SLC14A1: variants seen among roughly 807,000 people sequenced by gnomAD.
The protein encoded by SLC14A1 is solute carrier family 14 member 1 (Kidd blood group), also known as urea transporter 1.
A neutral mutation model predicts 39.6 loss-of-function variants in SLC14A1; 36 were observed. The ratio of observed to expected loss-of-function variants is 0.91; its 90% CI spans 0.70 to 1.20. The LOEUF (loss-of-function observed/expected upper bound fraction) is 1.20. Among genes scored for constraint, SLC14A1 ranks in the 50% most tolerant of loss-of-function variants. The pLI is 0.00. For missense variants in SLC14A1, 469 were observed against 478.7 expected (o/e 0.98, Z 0.19); for synonymous variants, 164 against 173.6 (o/e 0.94, Z 0.43).
chr18:45,749,047 C>G (rs1174595395), intron 9 of SLC14A1, among the ~76,000 whole-genome samples: 1 of 152,184 alleles, frequency 6.6e-6, no homozygotes, highest in East Asian at 1.9e-4. Flanking sequence ...AGCTGCACAC[C>G]AGAGTCAGCT....
intron 2 of SLC14A1, chr18:45,727,363 C>T (rs982814472): frequency 1.9e-6 from 3 of 1,551,306 alleles, no homozygotes; most frequent in African/African-American, 1.4e-5. Flanking sequence ...GGTGACGCAG[C>T]GCGCAGAGGC....
chr18:45,750,050 CA>C lies in SLC14A1; in HGVS notation c.*101del, dbSNP rs2047668483. On this transcript the variant is annotated 3_prime_UTR_variant, in exon 10 of 10. Coordinates refer to ENST00000321925, the MANE Select transcript of SLC14A1 (RefSeq NM_015865.7). ...GCAAACTGCTGTTTTTCACGAGTAT[CA>C]ACTTTCATACTGACGCGTCTGTAAT... 6.2e-6 allele frequency: 10 copies of C among 1,608,998 alleles called. No homozygotes were observed. The South Asian group carries it at 1.1e-4, about 18-fold the overall frequency.
At position 45,736,592 on chromosome 18, in the gene SLC14A1, G is replaced by T. The variant is rs138853763; in HGVS notation, c.607G>T (p.Val203Phe). 6.2e-6 allele frequency: 10 copies of T among 1,614,014 alleles called. No individual in the cohort carries two copies. Among genetic ancestry groups the T allele is most frequent in the Non-Finnish European group, 7.6e-6 (9 of 1,180,024 alleles). Residue 203 changes from valine (V) to phenylalanine (F), a missense_variant, in exon 6 of 10, where the codon GTC becomes TTC. By Grantham distance (50) the Val-to-Phe change is conservative (BLOSUM62 -1). Coordinates refer to ENST00000321925, the MANE Select transcript of SLC14A1 (RefSeq NM_015865.7). ...HYNPFFPAKLVIPITTAPNIS... is the reference protein window; with the variant it reads ...HYNPFFPAKLFIPITTAPNIS... ...CAATCCATTCTTTCCAGCCAAACTG[G>T]TCATACCTATAACTACAGCTCCAAA...
At position 45,750,645 on chromosome 18, in the gene SLC14A1, G is replaced by A; in HGVS notation, c.*694G>A. ...TGTATTGCAACTTTTCTCAGAGATT[G>A]CAAAGGATTTTTTAGGTAGAGATTA... On this transcript the variant is annotated 3_prime_UTR_variant, in exon 10 of 10. Transcript: ENST00000321925. The A allele has an allele frequency of 1.0e-6, 1 of 985,700 alleles. No homozygotes were observed. The highest frequency in any genetic ancestry group is 1.2e-6 in the Non-Finnish European group (1 of 830,156). 61.1% of individuals were successfully genotyped at this position (985,700 alleles called of 1,614,324 possible).
chr18:45,739,963 C>T (rs2047314380), intron 8 of SLC14A1: 2 of 420,740 alleles, frequency 4.8e-6, no homozygotes, highest in African/African-American at 4.1e-5. Context: ...GCTTTATCCC[C>T]AGAGATACAC....
chr18:45,731,895 G>C (rs1599260478), intron 4 of SLC14A1, among the ~76,000 whole-genome samples: 2 of 152,208 alleles, frequency 1.3e-5, no homozygotes, highest in East Asian at 3.8e-4. Flanking sequence ...CCAATCCCCA[G>C]TGTGGTCATT....
intron 8 of SLC14A1, among the ~76,000 whole-genome samples, chr18:45,742,463 G>C (rs1285025467): frequency 6.8e-6 from 1 of 148,112 alleles, no homozygotes; most frequent in Non-Finnish European, 1.5e-5. Flanking sequence ...TGGTTCAAGC[G>C]GTTCTCCTGC....
At position 45,739,681 on chromosome 18, in the gene SLC14A1, T is replaced by A. The variant is rs1178458370; in HGVS notation, c.946+19T>A. ...GGCTGTGGTGAGTCTCCCACGCCCC[T>A]GGGGGAGGGCTGCTCATGACTACAG... On this transcript the variant is annotated intron_variant, in intron 8 of 9. Transcript: ENST00000321925. 1 of 1,613,908 alleles carries A rather than the reference T, an allele frequency of 6.2e-7. No individual in the cohort carries two copies. The highest frequency in any genetic ancestry group is 8.5e-7 in the Non-Finnish European group (1 of 1,179,888).
At chr18:45,733,578 G>A (rs1284528860) in intron 4 of SLC14A1, among the ~76,000 whole-genome samples, 1 of 152,154 alleles carries the variant, frequency 6.6e-6, no homozygotes, top group Non-Finnish European at 1.5e-5. Flanking sequence ...CGCTCTTCAA[G>A]TCAGAGGCTC....
intron 8 of SLC14A1, among the ~76,000 whole-genome samples, chr18:45,744,403 T>C (rs986645040): frequency 6.6e-6 from 1 of 152,226 alleles, no homozygotes; most frequent in African/African-American, 2.4e-5. Flanking sequence ...TTCATTTAAA[T>C]TTTAGTTTAG....
chr18:45,738,092 TTA>T (rs1184992218), intron 6 of SLC14A1, among the ~76,000 whole-genome samples: 1 of 152,090 alleles, frequency 6.6e-6, no homozygotes, highest in African/African-American at 2.4e-5. Context: ...CTGGAAGAAT[TTA>T]GAGTCCATCT....
intron 6 of SLC14A1, among the ~76,000 whole-genome samples, chr18:45,737,233 CA>C (rs1348496922): frequency 6.6e-6 from 1 of 152,208 alleles, no homozygotes; most frequent in African/African-American, 2.4e-5. Flanking sequence ...CCTGTTTTAA[CA>C]AACTCCCCAA....
Position 45,730,382 on chromosome 18 carries a change from A to G in SLC14A1, c.62A>G (p.Gln21Arg), listed in dbSNP as rs146079238. The change falls in exon 3 of 10, where the codon CAG becomes CGG. Residue 21 changes from glutamine (Q) to arginine (R), a missense_variant. Physicochemically the swap from Gln to Arg is conservative, Grantham distance 43. Coordinates refer to ENST00000321925, the MANE Select transcript of SLC14A1 (RefSeq NM_015865.7). ...CCCACTATGGTTAGGGGTGAAAACC[A>G]GGTTTCGCCATGTCAAGGGAGAAGG... ...DSPTMVRGEN[Q>R]VSPCQGRRCF... 1,312 of 1,614,212 alleles carry G rather than the reference A, an allele frequency of 8.1e-4. 1 individual carries two copies. Among genetic ancestry groups the G allele is most frequent in the Non-Finnish European group, 1.0e-3 (1,237 of 1,180,028 alleles).
intron 2 of SLC14A1, chr18:45,727,302 G>A (rs1172969589): frequency 1.4e-5 from 21 of 1,551,396 alleles, no homozygotes; most frequent in Non-Finnish European, 1.7e-5. Flanking sequence ...TGGCGGCGCT[G>A]GTGACGCCCG....
rs567530331 is a variant in SLC14A1 at position 45,751,235 on chromosome 18, G to A, written c.*1284G>A. 6.5e-5 allele frequency: 28 copies of A among 433,692 alleles called. No individual in the cohort carries two copies. The highest frequency in any genetic ancestry group is 1.2e-3 in the Middle Eastern group (1 of 838). The allele number at this position is 433,692 out of a possible 1,614,324, so 26.9% of individuals were successfully genotyped here. ...GGTGCCTGTAGTTCCAGCTACTTGG[G>A]AGGCTGAGGTGGGAAAATGACTTGA... is the stretch of plus-strand genomic sequence containing the variant. On this transcript the variant is annotated 3_prime_UTR_variant, in exon 10 of 10. Coordinates refer to ENST00000321925, the MANE Select transcript of SLC14A1 (RefSeq NM_015865.7).
chr18:45,748,869 A>T (rs914839921), intron 9 of SLC14A1, among the ~76,000 whole-genome samples: 2 of 152,190 alleles, frequency 1.3e-5, no homozygotes, highest in Non-Finnish European at 2.9e-5. Context: ...TGGCAGCAGC[A>T]TGGAGATTTT....
At chr18:45,725,704 C>A (rs534745410) in intron 2 of SLC14A1, among the ~76,000 whole-genome samples, 79 of 152,160 alleles carry the variant, frequency 5.2e-4, no homozygotes, top group Non-Finnish European at 8.1e-4. Flanking sequence ...AATTAAGAAC[C>A]ACCAGAGCTG....
intron 6 of SLC14A1, 137 bp from the exon 7 acceptor site, chr18:45,739,026 T>A (rs1891557118): frequency 1.1e-6 from 1 of 937,154 alleles, no homozygotes; most frequent in African/African-American, 1.6e-5. Context: ...AGAGAGAATT[T>A]TAAATGGTAT....
intron 4 of SLC14A1, 180 bp downstream of exon 4, chr18:45,731,384 A>C: frequency 1.5e-6 from 1 of 674,732 alleles, no homozygotes; most frequent in South Asian, 1.6e-5. Context: ...CTTGCTCTTG[A>C]TATCTGAATA....
Sources: allele counts gnomAD v4.1 joint callset (sites outside exome capture counted in the v4.1 genomes callset), GRCh38; gene constraint gnomAD v4.1.1; transcripts MANE v1.5; gene names NCBI Gene and HGNC (gene_info 2026-07-23, HGNC 2026-07-21).